Variants in GOLGA6A observed in about 807,000 individuals in gnomAD.
GOLGA6A encodes golgin subfamily A member 6A.
Under a neutral mutation model 53.6 loss-of-function variants are expected in GOLGA6A, and 1 was observed. That is an observed-to-expected ratio of 0.02 (90% CI 0.01 to 0.09). The LOEUF (loss-of-function observed/expected upper bound fraction) is 0.09. Among genes scored for constraint, GOLGA6A ranks in the 10% least tolerant of loss-of-function variants. The pLI is 1.00. For missense variants in GOLGA6A, 23 were observed against 509.4 expected, an observed-to-expected ratio of 0.05 and a Z score of 9.19; for synonymous variants, 6 against 201.8, an observed-to-expected ratio of 0.03 and a Z score of 8.22.
Position 74,075,966 on chromosome 15 carries a change from G to A in GOLGA6A, c.584C>T (p.Ala195Val), listed in dbSNP as rs374121270. 31 of 1,599,468 alleles carry A rather than the reference G, an allele frequency of 1.9e-5. No individual in the cohort carries two copies. Among genetic ancestry groups the A allele is most frequent in the East Asian group, 1.6e-4 (7 of 44,412 alleles). Residue 195 changes from alanine to valine, a missense_variant, in exon 8 of 18, where the codon GCG (alanine) becomes GTG (valine). By Grantham distance (64) the Ala-to-Val change is moderately conservative. Transcript: ENST00000290438. ...CTGCTGTAACCACCGCTGGAGGACCGCTTCTCTGCAGCTCGAGGACTGGAT... is the reference window on the plus strand; with the variant it reads ...CTGCTGTAACCACCGCTGGAGGACCACTTCTCTGCAGCTCGAGGACTGGAT... ...EEDRSSSCRE[A>V]VLQRWLQQTI...
At chr15:74,076,415 C>A (rs1212665816) in intron 7 of GOLGA6A, among the ~76,000 whole-genome samples, 24 of 123,114 alleles carry the variant, frequency 1.9e-4, no homozygotes, top group African/African-American at 7.1e-4. Context: ...CCAGGTCTAT[C>A]CTATTCTCTA....
Position 74,075,914 on chromosome 15 carries a change from G to A in GOLGA6A, c.636C>T (p.Asn212=), listed in dbSNP as rs146226196. Residue 212 remains asparagine, a synonymous_variant, in exon 8 of 18, where the codon AAC becomes AAT. Transcript: ENST00000290438. ...AAAGCCTCACCTGTGTCACGTGTGC[G>A]TTCAGCAGCGCCCGCTCCTTTATGG... ...QQTIKERALL[N]AHVTQVTESL... 1,644 of 1,595,244 alleles carry A rather than the reference G, an allele frequency of 1.0e-3. 38 individuals carry two copies. The African/African-American group carries it at 0.014, about 14-fold the overall frequency.
intron 7 of GOLGA6A, among the ~76,000 whole-genome samples, chr15:74,076,662 C>CACACACACA (rs1389139330): frequency 2.7e-5 from 4 of 146,062 alleles, no homozygotes; most frequent in Admixed American, 6.9e-5. Context: ...ACACACACAC[C>CACACACACA]CCTTTCCTCT....
chr15:74,080,099 CTG>C (rs1374913129), intron 2 of GOLGA6A, among the ~76,000 whole-genome samples: 1 of 146,446 alleles, frequency 6.8e-6, no homozygotes, highest in Non-Finnish European at 1.5e-5. Flanking sequence ...GAGGAGGAAA[CTG>C]AGGCCCAGCA....
At chr15:74,079,872 G>GC (rs1312260625) in intron 2 of GOLGA6A, among the ~76,000 whole-genome samples, 2 of 14,046 alleles carry the variant, frequency 1.4e-4, no homozygotes, top group East Asian at 1.7e-3. Context: ...GAGTGACGCA[G>GC]TCACAGAGTG....
chr15:74,071,923 TC>T (rs1311032559), intron 14 of GOLGA6A, among the ~76,000 whole-genome samples: 1 of 152,292 alleles, frequency 6.6e-6, no homozygotes, highest in Non-Finnish European at 1.5e-5. Context: ...CCGTGCCTGC[TC>T]CTCCTGGGAA....
chr15:74,075,082 C>CAAAAAA (rs2071970657), intron 10 of GOLGA6A, 81 bp from the exon 11 acceptor site: 49 of 267,454 alleles, frequency 1.8e-4, no homozygotes, highest in Non-Finnish European at 2.3e-4. Context: ...AAAAAAAAAA[C>CAAAAAA]CTCCTCTTGA....
At chr15:74,076,347 A>G (rs2071978800) in intron 7 of GOLGA6A, among the ~76,000 whole-genome samples, 3 of 130,254 alleles carry the variant, frequency 2.3e-5, no homozygotes, top group Non-Finnish European at 4.8e-5. Flanking sequence ...AAAAACATCG[A>G]GTGTTCAAGG....
intron 2 of GOLGA6A, among the ~76,000 whole-genome samples, chr15:74,080,366 T>C (rs2071995892): frequency 6.6e-6 from 1 of 152,306 alleles, no homozygotes; most frequent in Admixed American, 6.5e-5. Context: ...GGGGTTAACA[T>C]GAAAACAACA....
At chr15:74,071,523 C>G in intron 15 of GOLGA6A, 31 bp downstream of exon 15, 1 of 863,526 alleles carries the variant, frequency 1.2e-6, no homozygotes, top group Non-Finnish European at 1.9e-6. Context: ...CCCTGCAGCT[C>G]CCCGTGCCCG....
chr15:74,076,159 A>G (rs1314918514), intron 7 of GOLGA6A, among the ~76,000 whole-genome samples, 174 bp from the exon 8 acceptor site: 7 of 149,678 alleles, frequency 4.7e-5, no homozygotes, highest in African/African-American at 1.7e-4. Context: ...GATAGAATTT[A>G]CAGCTGGCTA....
intron 12 of GOLGA6A, among the ~76,000 whole-genome samples, chr15:74,073,364 G>A (rs2071962006): frequency 6.6e-6 from 1 of 151,018 alleles, no homozygotes; most frequent in Non-Finnish European, 1.5e-5. Flanking sequence ...TGGAAAAGCA[G>A]AGGGAGCCAA....
chr15:74,072,193 G>C (rs571710493), intron 14 of GOLGA6A, 25 bp downstream of exon 14: 1 of 1,589,922 alleles, frequency 6.3e-7, no homozygotes, highest in African/African-American at 1.4e-5. Context: ...AGGTGGCAAA[G>C]CGGGGCAGGG....
At chr15:74,076,286 TCACA>T (rs2071978369) in intron 7 of GOLGA6A, among the ~76,000 whole-genome samples, 2 of 142,846 alleles carry the variant, frequency 1.4e-5, no homozygotes, top group Middle Eastern at 3.2e-3. Context: ...CATTTAATCC[TCACA>T]ACCACCATAT....
At chr15:74,079,222 G>A (rs1459485355) in intron 2 of GOLGA6A, among the ~76,000 whole-genome samples, 1,593 of 4,556 alleles carry the variant, frequency 0.35, 559 homozygotes, top group Middle Eastern at 0.5. Flanking sequence ...AGCCGAGATC[G>A]CACCACTCCA....
intron 14 of GOLGA6A, among the ~76,000 whole-genome samples, chr15:74,071,912 G>A (rs1277533155): frequency 3.3e-5 from 5 of 152,278 alleles, no homozygotes; most frequent in African/African-American, 1.2e-4. Context: ...TGCCCACATA[G>A]CCGTGCCTGC....
At chr15:74,071,329 GC>G in intron 16 of GOLGA6A, 37 bp downstream of exon 16, 1 of 1,156,786 alleles carries the variant, frequency 8.6e-7, no homozygotes, top group Non-Finnish European at 1.3e-6. Context: ...CAGCGCCCAT[GC>G]CCACCCCCAA....
At chr15:74,076,592 C>T (rs1289519740) in intron 7 of GOLGA6A, among the ~76,000 whole-genome samples, 8 of 104,710 alleles carry the variant, frequency 7.6e-5, no homozygotes, top group South Asian at 8.1e-4. Flanking sequence ...TTTATGAATG[C>T]TTGCAGACAT....
chr15:74,076,660 A>ACC lies in GOLGA6A; in HGVS notation c.564+356_564+357dup, dbSNP rs1555447184. ...CACACACACACACACACACACACAC[A>ACC]CCCCTTTCCTCTCTCTACAGAAATG... is the stretch of plus-strand genomic sequence containing the variant. On this transcript the variant is annotated intron_variant, in intron 7 of 17. Transcript: ENST00000290438. Among the ~76,000 whole-genome samples the ACC allele has an allele frequency of 3.3e-4, 48 of 143,908 alleles. 1 individual carries two copies. The highest frequency in any genetic ancestry group is 6.9e-4 in the African/African-American group (27 of 39,164). The allele number at this position is 143,908 out of a possible 152,430, so 94.4% of individuals were successfully genotyped here. A position where few individuals can be genotyped will look rare whatever the true frequency, so the allele number is the denominator to read the frequency against.
Sources: allele counts gnomAD v4.1 joint callset (sites outside exome capture counted in the v4.1 genomes callset), GRCh38; gene constraint gnomAD v4.1.1; transcripts MANE v1.5; gene names NCBI Gene and HGNC (gene_info 2026-07-23, HGNC 2026-07-21).